ROBO2: variants seen among roughly 807,000 people sequenced by gnomAD.
ROBO2 encodes the protein roundabout homolog 2.
ROBO2 carries 53 observed loss-of-function variants against 160.8 expected under a neutral mutation model. That is an observed-to-expected ratio of 0.33 (90% CI 0.26 to 0.41). ROBO2 has a LOEUF of 0.41. Among genes scored for constraint, ROBO2 ranks in the 10% least tolerant of loss-of-function variants. ROBO2 has a pLI of 1.00. For missense variants in ROBO2, 1,577 were observed against 1,722.4 expected, an observed-to-expected ratio of 0.92 and a Z score of 1.49; for synonymous variants, 664 against 611.7, an observed-to-expected ratio of 1.09 and a Z score of -1.26.
intron 2 of ROBO2, among the ~76,000 whole-genome samples, chr3:76,653,444 C>T (rs2091344692): frequency 6.6e-6 from 1 of 150,858 alleles, no homozygotes; most frequent in Non-Finnish European, 1.5e-5. Context: ...TTTTGAAATG[C>T]CTAGTGAATT....
intron 2 of ROBO2, among the ~76,000 whole-genome samples, chr3:77,138,026 G>A (rs961223609): frequency 6.6e-6 from 1 of 152,012 alleles, no homozygotes; most frequent in Non-Finnish European, 1.5e-5. Context: ...TCTGACACTC[G>A]TTTGAATCTG....
chr3:76,793,009 A>G (rs1274383437), intron 2 of ROBO2, among the ~76,000 whole-genome samples: 1 of 151,884 alleles, frequency 6.6e-6, no homozygotes, highest in Non-Finnish European at 1.5e-5. Flanking sequence ...TCAGAATTTT[A>G]AATGTATAAA....
chr3:77,617,652 T>C (rs781187510), exon 22 of ROBO2: 2 of 1,614,138 alleles, frequency 1.2e-6, no homozygotes, highest in South Asian at 2.2e-5. Flanking sequence ...TGCTATCTCC[T>C]TTGGACAGCA....
intron 1 of ROBO2, chr3:77,092,184 C>T (rs2070386162): frequency 1.3e-5 from 2 of 151,762 alleles, no homozygotes; most frequent in South Asian, 4.2e-4. Flanking sequence ...GATTCTGATG[C>T]AGGCAGTCTG....
At chr3:76,012,513 TTGA>T (rs1474928683) in intron 2 of ROBO2, among the ~76,000 whole-genome samples, 1 of 152,212 alleles carries the variant, frequency 6.6e-6, no homozygotes, top group African/African-American at 2.4e-5. Context: ...TAAGCATGTA[TTGA>T]TGACCTACTG....
chr3:76,834,062 T>TTTTCTTTCTTTTTC (rs2067369815), intron 2 of ROBO2, among the ~76,000 whole-genome samples: 1 of 88,012 alleles, frequency 1.1e-5, no homozygotes, highest in East Asian at 3.7e-4. Context: ...CCTTTCTTTC[T>TTTTCTTTCTTTTTC]TTTCTTTCTT....
At chr3:76,788,416 G>A (rs2063138062) in intron 2 of ROBO2, among the ~76,000 whole-genome samples, 1 of 151,256 alleles carries the variant, frequency 6.6e-6, no homozygotes, top group East Asian at 2.0e-4. Context: ...CTAACCTATT[G>A]TAACTATTAA....
intron 2 of ROBO2, among the ~76,000 whole-genome samples, chr3:76,119,948 TC>T: frequency 7.3e-6 from 1 of 137,212 alleles, no homozygotes; most frequent in South Asian, 2.7e-4. Flanking sequence ...CTTCCTTCCT[TC>T]CTTCCTTCCT....
At chr3:77,152,485 C>T (rs138385879) in intron 2 of ROBO2, among the ~76,000 whole-genome samples, 28 of 152,272 alleles carry the variant, frequency 1.8e-4, no homozygotes, top group African/African-American at 6.0e-4. Flanking sequence ...CAACAGCCAC[C>T]GCTGACTGTG....
At chr3:77,396,772 C>T (rs1255438828) in intron 2 of ROBO2, among the ~76,000 whole-genome samples, 2 of 152,038 alleles carry the variant, frequency 1.3e-5, no homozygotes, top group Admixed American at 1.3e-4. Flanking sequence ...AGTTGTTTTT[C>T]TTAATCTTGT....
At chr3:76,382,310 T>C (rs1213065922) in intron 2 of ROBO2, among the ~76,000 whole-genome samples, 1 of 152,170 alleles carries the variant, frequency 6.6e-6, no homozygotes, top group Non-Finnish European at 1.5e-5. Flanking sequence ...GCTTCTTGGC[T>C]GGGCGCGGTG....
chr3:76,334,014 GA>G (rs1338834522), intron 2 of ROBO2, among the ~76,000 whole-genome samples: 13 of 152,262 alleles, frequency 8.5e-5, no homozygotes, highest in Non-Finnish European at 2.9e-5. Context: ...AGCAGGAAGG[GA>G]TAGCATTAGG....
intron 2 of ROBO2, among the ~76,000 whole-genome samples, chr3:76,455,327 T>C (rs1442604149): frequency 2.0e-5 from 3 of 152,128 alleles, no homozygotes; most frequent in Admixed American, 6.6e-5. Flanking sequence ...TAAACCACCA[T>C]AGAAAAGAGA....
intron 2 of ROBO2, among the ~76,000 whole-genome samples, chr3:77,160,265 T>C (rs2078367027): frequency 6.6e-6 from 1 of 152,190 alleles, no homozygotes; most frequent in Non-Finnish European, 1.5e-5. Flanking sequence ...ACTTTACATA[T>C]GGTAGCATTT....
rs192584647 is a variant in ROBO2, at chr3:76,402,850, C to T, written c.109+465248C>T. ...TAAGAACTCATCTGATTAGATTGGGCTCACCCAGATAATTCAGGATAATCT... is the reference window on the plus strand; with the variant it reads ...TAAGAACTCATCTGATTAGATTGGGTTCACCCAGATAATTCAGGATAATCT... On this transcript the variant is annotated intron_variant, in intron 2 of 26. Transcript: ENST00000487694. Among the ~76,000 whole-genome samples, 69 of 151,754 alleles carry T rather than the reference C, an allele frequency of 4.5e-4. 1 individual carries two copies. The highest frequency in any genetic ancestry group is 1.6e-3 in the African/African-American group (68 of 41,510).
chr3:77,522,985 A>C, intron 6 of ROBO2, 83 bp downstream of exon 6: 1 of 1,514,026 alleles, frequency 6.6e-7, no homozygotes, highest in Non-Finnish European at 9.1e-7. Flanking sequence ...CGATCAAAAT[A>C]ATGAATTATG....
chr3:77,354,975 T>C (rs974867023), intron 2 of ROBO2, among the ~76,000 whole-genome samples: 4 of 152,224 alleles, frequency 2.6e-5, no homozygotes, highest in Non-Finnish European at 5.9e-5. Context: ...AGAATTGATA[T>C]ACAGTAAAAT....
intron 2 of ROBO2, among the ~76,000 whole-genome samples, chr3:75,979,731 C>A (rs1035224180): frequency 6.6e-6 from 1 of 151,506 alleles, no homozygotes; most frequent in African/African-American, 2.4e-5. Context: ...CAGATGATGA[C>A]CATTAAAACA....
intron 2 of ROBO2, among the ~76,000 whole-genome samples, chr3:76,069,616 CCT>C (rs2107947948): frequency 9.9e-6 from 1 of 100,904 alleles, no homozygotes; most frequent in African/African-American, 4.7e-5. Flanking sequence ...ATTAAAAATA[CCT>C]ACACTTTTTT....
Sources: gnomAD v4.1 joint callset for allele counts (sites outside exome capture counted in the v4.1 genomes callset) on GRCh38, gnomAD v4.1.1 for gene constraint, MANE v1.5 for transcripts, NCBI Gene and HGNC (gene_info 2026-07-23, HGNC 2026-07-21) for gene names.